The following UNC13C variants were observed in gnomAD, a reference collection of about 807,000 sequenced individuals.
UNC13C encodes protein unc-13 homolog C.
In UNC13C, 174 loss-of-function variants were observed where a neutral mutation model predicts 245.4. That is an observed-to-expected ratio of 0.71 (90% CI 0.63 to 0.80). The LOEUF (loss-of-function observed/expected upper bound fraction) is 0.80, where lower values mean the gene tolerates loss of function less well. Ranked by LOEUF, UNC13C falls within the 30% of genes least tolerant of loss-of-function variation. The pLI, the probability that UNC13C is intolerant of heterozygous loss-of-function variation, is 0.00. For missense variants in UNC13C, 2,829 were observed against 2,602.9 expected (o/e 1.09, Z -1.89); for synonymous variants, 992 against 895.1 (o/e 1.11, Z -1.93).
chr15:54,075,937 C>T (rs562128172), intron 2 of UNC13C, among the ~76,000 whole-genome samples: 1 of 152,058 alleles, frequency 6.6e-6, no homozygotes, highest in Non-Finnish European at 1.5e-5. Context: ...AGATAATTGC[C>T]TTCATTTTAC....
intron 4 of UNC13C, among the ~76,000 whole-genome samples, chr15:54,214,655 TGTA>T (rs1397000930): frequency 3.9e-5 from 6 of 152,014 alleles, no homozygotes; most frequent in African/African-American, 1.4e-4. Context: ...CTTTAAGAAA[TGTA>T]GTTTCTTTGC....
chr15:54,168,311 G>C (rs866012388), intron 4 of UNC13C, among the ~76,000 whole-genome samples: 1 of 152,050 alleles, frequency 6.6e-6, no homozygotes, highest in African/African-American at 2.4e-5. Context: ...TTTGGACTTC[G>C]GTTTACTCAG....
chr15:54,149,519 T>C (rs1279242206), intron 4 of UNC13C, among the ~76,000 whole-genome samples: 2 of 152,224 alleles, frequency 1.3e-5, no homozygotes, highest in African/African-American at 4.8e-5. Flanking sequence ...ACATTACCAC[T>C]GATCTAGTTT....
At chr15:54,373,510 A>T (rs2039539058) in intron 17 of UNC13C, among the ~76,000 whole-genome samples, 1 of 152,176 alleles carries the variant, frequency 6.6e-6, no homozygotes, top group Non-Finnish European at 1.5e-5. Flanking sequence ...AGGCAGCTCC[A>T]GATGCTGGCA....
chr15:53,899,677 G>T, the UNC13C span, among the ~76,000 whole-genome samples: 2 of 152,070 alleles, frequency 1.3e-5, no homozygotes, highest in African/African-American at 4.8e-5. Flanking sequence ...CGATTCTCCT[G>T]CCTCAGCCTC....
At chr15:54,049,838 C>T in intron 2 of UNC13C, 1 of 243,160 alleles carries the variant, frequency 4.1e-6, no homozygotes, top group Non-Finnish European at 8.6e-6. Context: ...GTGAATTGTA[C>T]AGTGGGTGGC....
intron 18 of UNC13C, among the ~76,000 whole-genome samples, chr15:54,406,337 G>A (rs1226991445): frequency 6.6e-6 from 1 of 152,028 alleles, no homozygotes; most frequent in Non-Finnish European, 1.5e-5. Context: ...TTTTGATATA[G>A]GAGCAGCACC....
At chr15:54,631,823 T>C (rs1217982280), downstream of UNC13C, 1 of 152,190 alleles carries the variant, frequency 6.6e-6, no homozygotes, top group Non-Finnish European at 1.5e-5. Context: ...TTGTGTATAC[T>C]TGTTTTTATT....
At chr15:53,960,532 T>C in the UNC13C span, among the ~76,000 whole-genome samples, 1 of 152,074 alleles carries the variant, frequency 6.6e-6, no homozygotes, top group Admixed American at 6.5e-5. Context: ...GGAATGTACA[T>C]ATGAATTATG....
At chr15:54,345,109 C>T (rs181598973) in intron 17 of UNC13C, among the ~76,000 whole-genome samples, 100 of 152,306 alleles carry the variant, frequency 6.6e-4, no homozygotes, top group African/African-American at 2.3e-3. Context: ...TCCCCTTGCA[C>T]ATGTCACCAT....
chr15:54,073,035 C>G (rs1311832503), intron 2 of UNC13C, among the ~76,000 whole-genome samples: 3 of 152,114 alleles, frequency 2.0e-5, no homozygotes, highest in Middle Eastern at 3.2e-3. Flanking sequence ...TCCCCTAGCC[C>G]TCCACCCCCC....
intron 19 of UNC13C, among the ~76,000 whole-genome samples, chr15:54,432,915 C>A (rs192463027): frequency 6.6e-6 from 1 of 152,058 alleles, no homozygotes; most frequent in East Asian, 1.9e-4. Context: ...AAGGGGATAT[C>A]ACCACTGATC....
chr15:54,382,886 T>C (rs1399121168), intron 17 of UNC13C, among the ~76,000 whole-genome samples: 1 of 152,038 alleles, frequency 6.6e-6, no homozygotes, highest in African/African-American at 2.4e-5. Flanking sequence ...TATTTTGAAA[T>C]ACAAAAGATC....
At chr15:54,017,801 A>C (rs1389149967) in intron 2 of UNC13C, among the ~76,000 whole-genome samples, 2 of 152,180 alleles carry the variant, frequency 1.3e-5, no homozygotes, top group African/African-American at 2.4e-5. Flanking sequence ...GGTTAAGAAT[A>C]AAACCACGGA....
the UNC13C span, among the ~76,000 whole-genome samples, chr15:53,866,737 C>T: frequency 6.6e-6 from 1 of 152,206 alleles, no homozygotes; most frequent in South Asian, 2.1e-4. Context: ...GAAATTTACT[C>T]ATTCATACAA....
the UNC13C span, among the ~76,000 whole-genome samples, chr15:53,939,365 AC>A: frequency 1.1e-3 from 164 of 151,964 alleles, no homozygotes; most frequent in East Asian, 0.029. Flanking sequence ...CAACCAAAAA[AC>A]CCCGGGACCC....
intron 7 of UNC13C, among the ~76,000 whole-genome samples, chr15:54,242,962 C>T (rs924063537): frequency 4.6e-5 from 7 of 152,052 alleles, no homozygotes; most frequent in African/African-American, 1.7e-4. Context: ...AAATCCGAAA[C>T]ATTCTTCTCT....
Position 54,415,045 on chromosome 15 carries a change from G to C in UNC13C, c.4911G>C (p.Leu1637=). 2 of 1,610,852 alleles carry C rather than the reference G, an allele frequency of 1.2e-6. No individual in the cohort carries two copies. Among genetic ancestry groups the C allele is most frequent in the Non-Finnish European group, 1.7e-6 (2 of 1,178,468 alleles). The change falls in exon 19 of 33, where the codon CTG becomes CTC. Residue 1637 remains leucine (L), a synonymous_variant. Transcript: ENST00000260323. ...AAATTATGTGGACTCTTTTTGCTCTGGATATGAAATATGCATTAGAAGGTA... is the reference window on the plus strand; with the variant it reads ...AAATTATGTGGACTCTTTTTGCTCTCGATATGAAATATGCATTAGAAGGTA... ...SAEIMWTLFA[L]DMKYALEEHE...
At chr15:53,938,338 A>G in the UNC13C span, among the ~76,000 whole-genome samples, 1 of 152,354 alleles carries the variant, frequency 6.6e-6, no homozygotes, top group African/African-American at 2.4e-5. Context: ...TCCTAAGTAT[A>G]TATGCACCCA....
Sources: gnomAD v4.1 joint callset for allele counts (sites outside exome capture counted in the v4.1 genomes callset) on GRCh38, gnomAD v4.1.1 for gene constraint, MANE v1.5 for transcripts, NCBI Gene and HGNC (gene_info 2026-07-23, HGNC 2026-07-21) for gene names.